RPS20: variants seen among roughly 807,000 people sequenced by gnomAD.
RPS20 encodes small ribosomal subunit protein uS10.
Under a neutral mutation model 15.3 loss-of-function variants are expected in RPS20, and 3 were observed. The observed-to-expected ratio is 0.20, with a 90% confidence interval of 0.09 to 0.51. RPS20 has a LOEUF of 0.51. Among genes scored for constraint, RPS20 ranks in the 20% least tolerant of loss-of-function variants. The pLI is 0.96. For missense variants in RPS20, 67 were observed against 145.9 expected, an observed-to-expected ratio of 0.46 and a Z score of 2.79; for synonymous variants, 62 against 47.8, an observed-to-expected ratio of 1.30 and a Z score of -1.23.
downstream of RPS20, chr8:56,073,002 C>T (rs994831715): frequency 9.2e-6 from 14 of 1,517,998 alleles, no homozygotes; most frequent in African/African-American, 1.4e-4. Flanking sequence ...TCTCATAGTA[C>T]ACCTTTATAT....
downstream of RPS20, among the ~76,000 whole-genome samples, chr8:56,068,807 CTTTTTTTTTTTTTTTTTTTTTTTTTT>C (rs61576194): frequency 7.2e-5 from 2 of 27,688 alleles, no homozygotes; most frequent in African/African-American, 2.3e-4. Context: ...GTGAAAATAT[CTTTTTTTTTTTTTTTTTTTTTTTTTT>C]TTTTTTTTTT....
chr8:56,073,673 C>T (rs1330222734), intron 3 of RPS20, 22 bp downstream of exon 3: 1 of 1,604,010 alleles, frequency 6.2e-7, no homozygotes, highest in East Asian at 2.2e-5. Flanking sequence ...CTCCTACTTC[C>T]TGCCCCTCCG....
downstream of RPS20, among the ~76,000 whole-genome samples, chr8:56,069,216 T>C (rs550734273): frequency 6.0e-4 from 92 of 152,122 alleles, 1 homozygote; most frequent in African/African-American, 2.1e-3. Flanking sequence ...GAAATAAGGA[T>C]TGATTTTGCG....
downstream of RPS20, chr8:56,069,714 C>CT: frequency 6.4e-7 from 1 of 1,550,692 alleles, no homozygotes; most frequent in Non-Finnish European, 8.7e-7. Context: ...TGCTTGGTCA[C>CT]TTTTTTGGCG....
chr8:56,071,672 CT>C (rs1809759569), downstream of RPS20, among the ~76,000 whole-genome samples: 1 of 152,166 alleles, frequency 6.6e-6, no homozygotes, highest in Non-Finnish European at 1.5e-5. Context: ...GACACATTAG[CT>C]TTTCAGCTGT....
chr8:56,073,041 A>C (rs1318330237), downstream of RPS20: 2 of 1,576,496 alleles, frequency 1.3e-6, no homozygotes, highest in East Asian at 2.2e-5. Context: ...TTCTGAATAA[A>C]AACCAACAGA....
downstream of RPS20, chr8:56,072,922 G>A (rs1809805062): frequency 1.5e-6 from 2 of 1,365,930 alleles, no homozygotes; most frequent in Admixed American, 3.0e-5. Context: ...GTTTTCAAAT[G>A]ACTCAAACGA....
downstream of RPS20, among the ~76,000 whole-genome samples, chr8:56,070,382 G>A (rs900185473): frequency 6.6e-6 from 1 of 152,142 alleles, no homozygotes; most frequent in African/African-American, 2.4e-5. Context: ...CTGTACTCTT[G>A]CCTGTTCATT....
At chr8:56,067,771 A>C (rs529723918) in exon 6 of RPS20, 1 of 152,224 alleles carries the variant, frequency 6.6e-6, no homozygotes, top group Non-Finnish European at 1.5e-5. Flanking sequence ...TGTCAGTCAC[A>C]AAAAGACAAA....
At chr8:56,074,180 A>C (rs1453743928) in intron 1 of RPS20, 21 bp from the exon 2 acceptor site, 2 of 1,595,862 alleles carry the variant, frequency 1.3e-6, no homozygotes, top group Non-Finnish European at 1.7e-6. Flanking sequence ...ATACATGAAA[A>C]AGAACAATAA....
downstream of RPS20, among the ~76,000 whole-genome samples, chr8:56,069,351 C>T (rs1809691688): frequency 6.6e-6 from 1 of 152,070 alleles, no homozygotes; most frequent in African/African-American, 2.4e-5. Flanking sequence ...ACTCAATCCA[C>T]TATACTCGAC....
At chr8:56,068,852 A>T (rs1178951420), downstream of RPS20, among the ~76,000 whole-genome samples, 1 of 77,516 alleles carries the variant, frequency 1.3e-5, no homozygotes, top group Non-Finnish European at 2.3e-5. Flanking sequence ...TTTGAGACAG[A>T]GTCTCAGTCT....
At chr8:56,074,193 C>T in intron 1 of RPS20, 34 bp from the exon 2 acceptor site, 1 of 1,578,218 alleles carries the variant, frequency 6.3e-7, no homozygotes, top group Non-Finnish European at 8.7e-7. Context: ...AACAATAAGC[C>T]AAAAATGGTC....
At chr8:56,068,135 G>A (rs1401393378), downstream of RPS20, 3 of 152,152 alleles carry the variant, frequency 2.0e-5, no homozygotes, top group African/African-American at 4.8e-5. Flanking sequence ...CCTTAAAACT[G>A]AGTGGGTTTA....
In RPS20 at chr8:56,074,145, G is replaced by A. The variant is rs11537561; in HGVS notation, c.18C>T (p.Thr6=). Residue 6 remains threonine, a synonymous_variant, in exon 2 of 4, where the codon ACC becomes ACT. Transcript: ENST00000009589. MAFKD[T]GKTPVEPEVA... ...CCTCCGGCTCCACGGGTGTTTTTCC[G>A]GTATCCTTAAAAGCCTATTATTAGA... 26 of 1,612,300 alleles carry A rather than the reference G, an allele frequency of 1.6e-5. No individual in the cohort carries two copies. The highest frequency in any genetic ancestry group is 6.7e-5 in the Admixed American group (4 of 59,996).
downstream of RPS20, among the ~76,000 whole-genome samples, chr8:56,071,777 G>C (rs1000023575): frequency 6.6e-6 from 1 of 152,114 alleles, no homozygotes; most frequent in Admixed American, 6.6e-5. Context: ...TGAAAGCCTA[G>C]GCCCAAATCC....
intron 3 of RPS20, 115 bp downstream of exon 3, chr8:56,073,580 G>T: frequency 1.2e-6 from 1 of 824,906 alleles, no homozygotes; most frequent in Non-Finnish European, 2.1e-6. Context: ...ATTTCTATGT[G>T]CGTTTGTAGA....
At chr8:56,067,363 C>T (rs1809639415) in exon 6 of RPS20, 1 of 152,090 alleles carries the variant, frequency 6.6e-6, no homozygotes, top group African/African-American at 2.4e-5. Flanking sequence ...TATATACATA[C>T]ATTGAGATAT....
Position 56,073,097 on chromosome 8 carries a change from T to C in RPS20, c.353A>G (p.Asp118Gly), listed in dbSNP as rs1809812158. Residue 118 changes from aspartate to glycine, a missense_variant, in exon 4 of 4, where the codon GAT becomes GGT. Coordinates refer to ENST00000009589, the MANE Select transcript of RPS20 (RefSeq NM_001023.4). ...TTTATTAAAATAGTTGACTTAAGCA[T>C]CTGCAATGGTGACTTCCACCTCAAC... is the stretch of plus-strand genomic sequence containing the variant. ...PGVEVEVTIA[D>G]A 1 of 1,594,100 alleles carries C rather than the reference T, an allele frequency of 6.3e-7. No homozygotes were observed. The highest frequency in any genetic ancestry group is 2.2e-5 in the East Asian group (1 of 44,842).
Sources: gnomAD v4.1 joint callset for allele counts (sites outside exome capture counted in the v4.1 genomes callset) on GRCh38, gnomAD v4.1.1 for gene constraint, MANE v1.5 for transcripts, NCBI Gene and HGNC (gene_info 2026-07-23, HGNC 2026-07-21) for gene names.